RAC1: variants seen among roughly 807,000 people sequenced by gnomAD.
RAC1 encodes the protein ras-related C3 botulinum toxin substrate 1.
In RAC1, 2 loss-of-function variants were observed where a neutral mutation model predicts 25.2. The observed-to-expected ratio is 0.08, with a 90% CI of 0.03 to 0.25. The LOEUF (loss-of-function observed/expected upper bound fraction) is 0.25, where lower values mean the gene tolerates loss of function less well. Ranked by LOEUF, RAC1 falls within the 10% of genes least tolerant of loss-of-function variation. The probability of loss-of-function intolerance (pLI) is 1.00; values close to 1 mark genes in which losing one functional copy is unlikely to be tolerated. For synonymous variants in RAC1, 88 were observed against 94.0 expected (o/e 0.94, Z 0.37); for missense variants, 50 against 235.7 (o/e 0.21, Z 5.16).
At chr7:6,401,807 T>G (rs1211327255) in intron 4 of RAC1, 61 bp from the exon 5 acceptor site, 5 of 1,541,744 alleles carry the variant, frequency 3.2e-6, no homozygotes, top group Non-Finnish European at 4.4e-6. Context: ...CTGGGTGTGA[T>G]TTAGGTGAAG....
chr7:6,382,469 TC>T (rs1330204521), intron 1 of RAC1, among the ~76,000 whole-genome samples: 3 of 152,204 alleles, frequency 2.0e-5, no homozygotes, highest in Non-Finnish European at 4.4e-5. Flanking sequence ...GTGAGGAAAT[TC>T]CTAGCGTTTC....
At chr7:6,384,463 C>T (rs1446094995) in intron 1 of RAC1, among the ~76,000 whole-genome samples, 1 of 152,204 alleles carries the variant, frequency 6.6e-6, no homozygotes. Context: ...TAACGTATTT[C>T]CCTATGCCAC....
chr7:6,391,847 C>A, intron 2 of RAC1, 77 bp from the exon 3 acceptor site: 1 of 1,600,620 alleles, frequency 6.2e-7, no homozygotes, highest in Non-Finnish European at 8.5e-7. Flanking sequence ...TTTTTCTTGG[C>A]ACACCTTCTC....
intron 1 of RAC1, among the ~76,000 whole-genome samples, chr7:6,377,091 C>T (rs1321472034): frequency 6.6e-6 from 1 of 151,882 alleles, no homozygotes; most frequent in Non-Finnish European, 1.5e-5. Context: ...CGCAGGTGCC[C>T]CTTGCTGAAT....
intron 3 of RAC1, among the ~76,000 whole-genome samples, chr7:6,396,163 C>T (rs565970453): frequency 6.6e-6 from 1 of 152,108 alleles, no homozygotes; most frequent in Admixed American, 6.5e-5. Flanking sequence ...GGCCGGTGAC[C>T]GGAGACAGCC....
chr7:6,375,130 T>C (rs1368800125), intron 1 of RAC1, among the ~76,000 whole-genome samples: 2 of 151,906 alleles, frequency 1.3e-5, no homozygotes, highest in Non-Finnish European at 2.9e-5. Context: ...AGGGACCCTT[T>C]ATTTTTTTTG....
chr7:6,402,731 C>A lies in RAC1; in HGVS notation c.*285C>A, dbSNP rs1469868891. ...AGCCTTATTTTTCAAAAGCGCCCCC[C>A]CCATTCTTGTTCAGATTAAGAGTTG... On this transcript the variant is annotated 3_prime_UTR_variant, in exon 6 of 6. Transcript: ENST00000348035. The A allele has an allele frequency of 1.4e-5, 4 of 287,728 alleles. No homozygotes were observed. The highest frequency in any genetic ancestry group is 2.6e-5 in the Non-Finnish European group (4 of 154,126). The allele number at this position is 287,728 out of a possible 1,614,324, so 17.8% of individuals were successfully genotyped here.
intron 1 of RAC1, among the ~76,000 whole-genome samples, chr7:6,378,930 A>G (rs1426847551): frequency 2.0e-5 from 3 of 152,062 alleles, no homozygotes; most frequent in East Asian, 3.9e-4. Context: ...TCTACTAAAA[A>G]TACAAAAAAA....
At chr7:6,386,971 C>T (rs2115192630) in intron 1 of RAC1, among the ~76,000 whole-genome samples, 1 of 151,188 alleles carries the variant, frequency 6.6e-6, no homozygotes, top group South Asian at 2.1e-4. Context: ...ACACCGGGTA[C>T]CTAAACAGAA....
intron 1 of RAC1, among the ~76,000 whole-genome samples, chr7:6,382,645 C>T (rs1223521096): frequency 6.6e-6 from 1 of 152,146 alleles, no homozygotes; most frequent in Non-Finnish European, 1.5e-5. Flanking sequence ...GGTGGATCTC[C>T]TGAGGTCAGG....
rs1361467748 is a variant in RAC1, at chr7:6,402,739, T to C, written c.*293T>C. On this transcript the variant is annotated 3_prime_UTR_variant, in exon 6 of 6. Coordinates refer to ENST00000348035, the MANE Select transcript of RAC1 (RefSeq NM_006908.5). Reference sequence around the variant, plus strand: ...TTTTCAAAAGCGCCCCCCCCATTCTTGTTCAGATTAAGAGTTGCCAAAATA... The same window carrying C: ...TTTTCAAAAGCGCCCCCCCCATTCTCGTTCAGATTAAGAGTTGCCAAAATA... 3.6e-6 allele frequency: 1 copy of C among 278,024 alleles called. No homozygotes were observed. The highest frequency in any genetic ancestry group is 6.1e-5 in the East Asian group (1 of 16,454). The allele number at this position is 278,024 out of a possible 1,614,324, so 17.2% of individuals were successfully genotyped here.
At chr7:6,400,079 A>G (rs746415432) in intron 3 of RAC1, 47 bp from the exon 4 acceptor site, 1 of 1,524,610 alleles carries the variant, frequency 6.6e-7, no homozygotes. Flanking sequence ...TGCATGCTTC[A>G]TTCTAAGGTT....
chr7:6,398,438 C>T (rs145444174), intron 3 of RAC1, among the ~76,000 whole-genome samples: 9 of 152,216 alleles, frequency 5.9e-5, no homozygotes, highest in Non-Finnish European at 8.8e-5. Flanking sequence ...ATCTCCCTGA[C>T]CTCTGTCTTC....
chr7:6,396,848 T>G (rs563569198), intron 3 of RAC1, among the ~76,000 whole-genome samples: 23 of 151,978 alleles, frequency 1.5e-4, no homozygotes, highest in Admixed American at 9.8e-4. Context: ...GGCTAACACG[T>G]TGAAACCTCG....
At position 6,402,413 on chromosome 7, in the gene RAC1, G is replaced by T; in HGVS notation, c.546G>T (p.Val182=). ...AIRAVLCPPP[V]KKRKRKCLLL ...GAGCAGTCCTCTGCCCGCCTCCCGT[G>T]AAGAAGAGGAAGAGAAAATGCCTGC... The change falls in exon 6 of 6, where the codon GTG becomes GTT. Residue 182 remains valine (V), a synonymous_variant. Transcript: ENST00000348035. The T allele has an allele frequency of 1.9e-6, 3 of 1,585,130 alleles. No homozygotes were observed. Among genetic ancestry groups the T allele is most frequent in the Non-Finnish European group, 2.6e-6 (3 of 1,165,386 alleles).
intron 2 of RAC1, 127 bp downstream of exon 2, chr7:6,387,410 C>A: frequency 1.5e-6 from 1 of 689,638 alleles, no homozygotes; most frequent in Non-Finnish European, 2.4e-6. Context: ...CTTAAACATT[C>A]ACTGAAACCT....
At chr7:6,390,492 C>T (rs556084764) in intron 2 of RAC1, among the ~76,000 whole-genome samples, 1 of 151,728 alleles carries the variant, frequency 6.6e-6, no homozygotes, top group South Asian at 2.1e-4. Context: ...CCCAGCTCCT[C>T]AGGAGGCTGA....
intron 1 of RAC1, among the ~76,000 whole-genome samples, chr7:6,384,707 C>T (rs556559868): frequency 8.6e-5 from 13 of 152,044 alleles, no homozygotes; most frequent in African/African-American, 2.9e-4. Flanking sequence ...CTGGGCTCAG[C>T]GATCCTCCCA....
intron 2 of RAC1, 26 bp from the exon 3 acceptor site, chr7:6,391,898 C>G (rs376284529): frequency 6.2e-7 from 1 of 1,613,952 alleles, no homozygotes; most frequent in Admixed American, 1.7e-5. Context: ...ACACCTGTGA[C>G]TAACCATTTT....
Sources: gnomAD v4.1 joint callset for allele counts (sites outside exome capture counted in the v4.1 genomes callset) on GRCh38, gnomAD v4.1.1 for gene constraint, MANE v1.5 for transcripts, NCBI Gene and HGNC (gene_info 2026-07-23, HGNC 2026-07-21) for gene names.